ENPP1: variants seen among roughly 807,000 people sequenced by gnomAD.
ENPP1 encodes ectonucleotide pyrophosphatase/phosphodiesterase 1.
Under a neutral mutation model 122.8 loss-of-function variants are expected in ENPP1, and 73 were observed. The observed-to-expected ratio is 0.59, with a 90% CI of 0.49 to 0.72. ENPP1 has a LOEUF of 0.72. Ranked by LOEUF, ENPP1 falls within the 30% of genes least tolerant of loss-of-function variation. The probability of loss-of-function intolerance (pLI) is 0.00; values close to 1 mark genes in which losing one functional copy is unlikely to be tolerated. For missense variants in ENPP1, 978 were observed against 1,128.1 expected, an observed-to-expected ratio of 0.87 and a Z score of 1.91; for synonymous variants, 367 against 391.6, an observed-to-expected ratio of 0.94 and a Z score of 0.74.
At chr6:131,815,347 C>T (rs1781400695) in intron 1 of ENPP1, among the ~76,000 whole-genome samples, 2 of 152,200 alleles carry the variant, frequency 1.3e-5, no homozygotes, top group South Asian at 4.1e-4. Flanking sequence ...TGAATTCAGT[C>T]TTTGTGATTC....
intron 1 of ENPP1, among the ~76,000 whole-genome samples, chr6:131,808,563 C>G (rs111798087): frequency 1.6e-4 from 24 of 152,318 alleles, no homozygotes; most frequent in African/African-American, 5.5e-4. Context: ...CGACCCCCTG[C>G]CCCAGGAGAG....
chr6:131,890,188 T>C (rs570885650), intron 24 of ENPP1, among the ~76,000 whole-genome samples, 153 bp from the exon 25 acceptor site: 1 of 152,298 alleles, frequency 6.6e-6, no homozygotes, highest in African/African-American at 2.4e-5. Context: ...GGAAAGCTAC[T>C]CAAGAGGAGA....
In ENPP1 at chr6:131,847,665, C is replaced by T. The variant is rs1489779094; in HGVS notation, c.241-111C>T. 8.4e-6 allele frequency: 6 copies of T among 718,366 alleles called. No individual in the cohort carries two copies. In the South Asian group the frequency reaches 1.1e-4, roughly 13 times the overall value. The allele number at this position is 718,366 out of a possible 1,614,324, so 44.5% of individuals were successfully genotyped here. On this transcript the variant is annotated intron_variant, in intron 1 of 24. Transcript: ENST00000647893. ...AGGTTACAGTGAACTATGATCATGC[C>T]ACTGTACCCTAGCCTGGGTAACAGA... is the stretch of plus-strand genomic sequence containing the variant.
intron 1 of ENPP1, among the ~76,000 whole-genome samples, chr6:131,845,586 C>G (rs1037400886): frequency 1.3e-5 from 2 of 151,376 alleles, no homozygotes; most frequent in South Asian, 2.1e-4. Context: ...CGCCCCCGAG[C>G]AGCAGGGATT....
chr6:131,855,435 C>T (rs1781933257), intron 6 of ENPP1, among the ~76,000 whole-genome samples: 2 of 152,114 alleles, frequency 1.3e-5, no homozygotes, highest in Admixed American at 6.6e-5. Context: ...AAGTGATTCT[C>T]GTGCCACAGC....
At chr6:131,878,080 C>T (rs928819059) in intron 18 of ENPP1, among the ~76,000 whole-genome samples, 3 of 151,432 alleles carry the variant, frequency 2.0e-5, no homozygotes, top group Non-Finnish European at 2.9e-5. Context: ...TCATTCCTCT[C>T]CTTCTGTCCT....
At chr6:131,872,811 T>A in intron 14 of ENPP1, 112 bp from the exon 15 acceptor site, 1 of 1,094,360 alleles carries the variant, frequency 9.1e-7, no homozygotes, top group Non-Finnish European at 1.3e-6. Flanking sequence ...TTGACACTTT[T>A]TATAGATATT....
At chr6:131,847,893 G>T (rs893411477) in intron 2 of ENPP1, 45 bp downstream of exon 2, 6 of 1,194,974 alleles carry the variant, frequency 5.0e-6, no homozygotes, top group African/African-American at 4.5e-5. Context: ...GTGTGTGTGT[G>T]TATGTGTGTG....
intron 7 of ENPP1, among the ~76,000 whole-genome samples, chr6:131,859,417 T>TG (rs1215372627): frequency 2.6e-5 from 4 of 151,996 alleles, no homozygotes; most frequent in Non-Finnish European, 5.9e-5. Flanking sequence ...GATGGACTCT[T>TG]GTGCTGTTGC....
chr6:131,855,656 G>A (rs779798204), intron 6 of ENPP1, among the ~76,000 whole-genome samples: 2 of 152,008 alleles, frequency 1.3e-5, no homozygotes, highest in Non-Finnish European at 2.9e-5. Flanking sequence ...TTCAGAAATA[G>A]AATTTCAAAA....
intron 24 of ENPP1, among the ~76,000 whole-genome samples, chr6:131,889,977 A>G (rs2114736450): frequency 6.7e-6 from 1 of 149,956 alleles, no homozygotes; most frequent in Non-Finnish European, 1.5e-5. Flanking sequence ...ACTTTTTAAT[A>G]ATAGGCATTC....
intron 22 of ENPP1, 43 bp downstream of exon 22, chr6:131,883,817 G>A (rs753912221): frequency 9.0e-6 from 9 of 996,864 alleles, no homozygotes; most frequent in Admixed American, 8.5e-5. Flanking sequence ...TAATGAATTT[G>A]TGCACATATA....
At chr6:131,876,626 A>C (rs112296735) in intron 17 of ENPP1, among the ~76,000 whole-genome samples, 7 of 152,298 alleles carry the variant, frequency 4.6e-5, no homozygotes, top group African/African-American at 1.7e-4. Context: ...GACTTGGGTA[A>C]AACACTTTGA....
At chr6:131,830,802 C>T (rs906969007) in intron 1 of ENPP1, among the ~76,000 whole-genome samples, 6 of 151,704 alleles carry the variant, frequency 4.0e-5, no homozygotes, top group African/African-American at 1.5e-4. Context: ...TGTGTAAATG[C>T]ATTTAAAACA....
intron 1 of ENPP1, among the ~76,000 whole-genome samples, chr6:131,842,049 G>T (rs1781746794): frequency 6.6e-6 from 1 of 151,888 alleles, no homozygotes. Flanking sequence ...ACTCCTACCT[G>T]CCTCCTTTAC....
intron 21 of ENPP1, among the ~76,000 whole-genome samples, chr6:131,882,969 C>T (rs374108378): frequency 6.6e-5 from 10 of 152,068 alleles, no homozygotes; most frequent in African/African-American, 1.9e-4. Flanking sequence ...AAAGAAAATG[C>T]GTTTGTCAGA....
chr6:131,834,061 AGTGAAG>A (rs1781644617), intron 1 of ENPP1, among the ~76,000 whole-genome samples: 1 of 152,214 alleles, frequency 6.6e-6, no homozygotes, highest in South Asian at 2.1e-4. Context: ...CAAGTCATGG[AGTGAAG>A]GTGAACATGA....
At position 131,817,272 on chromosome 6, in the gene ENPP1, TG is replaced by T. The variant is rs1781426416; in HGVS notation, c.240+9000del. ...CTATTCATCAAGCTTGGCCTGCTGT[TG>T]GGTTTCCAACTCTCCTTTGCCTGCT... On this transcript the variant is annotated intron_variant, in intron 1 of 24. Transcript: ENST00000647893. 2.0e-5 allele frequency among the ~76,000 whole-genome samples: 3 copies of T among 152,246 alleles called. No individual in the cohort carries two copies. In the South Asian group the frequency reaches 6.2e-4, roughly 32 times the overall value.
rs115412757 is a variant in ENPP1 at position 131,810,485 on chromosome 6, C to T, written c.240+2210C>T. Among the ~76,000 whole-genome samples the T allele has an allele frequency of 4.4e-3, 589 of 133,714 alleles. 6 individuals carry two copies. Among genetic ancestry groups the T allele is most frequent in the African/African-American group, 0.016 (566 of 36,038 alleles). 87.7% of individuals were successfully genotyped at this position (133,714 alleles called of 152,430 possible). ...AAAACTTCCCCAAATAATGGGCTTC[C>T]AAATGGAAAAGGCCCCAAAAGCATC... is the stretch of plus-strand genomic sequence containing the variant. On this transcript the variant is annotated intron_variant, in intron 1 of 24. Coordinates refer to ENST00000647893, the MANE Select transcript of ENPP1 (RefSeq NM_006208.3).
Sources: allele counts gnomAD v4.1 joint callset (sites outside exome capture counted in the v4.1 genomes callset), GRCh38; gene constraint gnomAD v4.1.1; transcripts MANE v1.5; gene names NCBI Gene and HGNC (gene_info 2026-07-23, HGNC 2026-07-21).